Variants in ZDHHC13 observed in about 807,000 individuals in gnomAD.
The protein encoded by ZDHHC13 is zDHHC palmitoyltransferase 13, also known as palmitoyltransferase ZDHHC13.
ZDHHC13 carries 85 observed loss-of-function variants against 86.0 expected under a neutral mutation model. The observed-to-expected ratio is 0.99, with a 90% CI of 0.83 to 1.18. ZDHHC13 has a LOEUF of 1.18. ZDHHC13 is among the 50% of genes most tolerant of loss of function. The pLI is 0.00. For synonymous variants in ZDHHC13, 263 were observed against 246.4 expected, an observed-to-expected ratio of 1.07 and a Z score of -0.63; for missense variants, 711 against 730.2, an observed-to-expected ratio of 0.97 and a Z score of 0.30.
intron 13 of ZDHHC13, among the ~76,000 whole-genome samples, chr11:19,165,565 G>T (rs569127257): frequency 1.3e-5 from 2 of 152,124 alleles, no homozygotes; most frequent in East Asian, 3.8e-4. Context: ...GCATTGAAAT[G>T]CTCCCATCTC....
chr11:19,175,918 G>C lies in ZDHHC13; in HGVS notation c.1827G>C (p.Met609Ile). 1 of 1,612,178 alleles carries C rather than the reference G, an allele frequency of 6.2e-7. No homozygotes were observed. The highest frequency in any genetic ancestry group is 8.5e-7 in the Non-Finnish European group (1 of 1,179,264). The change falls in exon 17 of 17, where the codon ATG becomes ATC. Residue 609 changes from methionine to isoleucine, a missense_variant. Physicochemically the swap from Met to Ile is conservative, Grantham distance 10 (BLOSUM62 1). Transcript: ENST00000446113. ...TAGATTGGACATCACAGTACACCAT[G>C]GTCTTTCACCCAGCCAGGGAGAAGG... ...CVVDWTSQYT[M>I]VFHPAREKVL...
chr11:19,176,079 TA>T lies in ZDHHC13; in HGVS notation c.*122del, dbSNP rs147555558. On this transcript the variant is annotated 3_prime_UTR_variant, in exon 17 of 17. Transcript: ENST00000446113. Reference sequence around the variant, plus strand: ...AGTCCAAAGGAAAACACGTGGTTTTTAAAGCCATTAGGTAAAAAAAGTTCTC... The same window carrying T: ...AGTCCAAAGGAAAACACGTGGTTTTTAAGCCATTAGGTAAAAAAAGTTCTC... 35,559 of 1,188,776 alleles carry T rather than the reference TA, an allele frequency of 0.03. 742 individuals are homozygous for T. The highest frequency in any genetic ancestry group is 0.093 in the South Asian group (3,945 of 42,506). 73.6% of individuals were successfully genotyped at this position (1,188,776 alleles called of 1,614,324 possible).
chr11:19,172,871 C>A lies in ZDHHC13; in HGVS notation c.1730+51C>A. The A allele has an allele frequency of 2.0e-6, 3 of 1,504,946 alleles. No individual in the cohort carries two copies. In the Middle Eastern group the frequency reaches 5.2e-4, roughly 260 times the overall value. 93.2% of individuals were successfully genotyped at this position (1,504,946 alleles called of 1,614,324 possible). ...GAGTCCTGTGGAAGATCCCTAGTCA[C>A]TGGTTTCCTAAGCTGGTGCCACTAC... On this transcript the variant is annotated intron_variant, in intron 16 of 16. Transcript: ENST00000446113.
intron 1 of ZDHHC13, among the ~76,000 whole-genome samples, chr11:19,138,468 G>A (rs1225733919): frequency 1.3e-5 from 2 of 150,670 alleles, no homozygotes; most frequent in African/African-American, 2.5e-5. Context: ...ATTCACAGCC[G>A]AATTCTACCA....
chr11:19,172,610 T>C (rs1850253468), intron 15 of ZDHHC13, 113 bp from the exon 16 acceptor site: 2 of 732,940 alleles, frequency 2.7e-6, no homozygotes, highest in Non-Finnish European at 4.1e-6. Context: ...TTCAAGGAGA[T>C]ACTAAGGAGA....
At chr11:19,146,141 T>A (rs1328141631) in intron 2 of ZDHHC13, 40 bp from the exon 3 acceptor site, 1 of 1,523,330 alleles carries the variant, frequency 6.6e-7, no homozygotes, top group Admixed American at 2.3e-5. Flanking sequence ...TTGAAATGAT[T>A]TTAATTGTAT....
chr11:19,158,490 T>C (rs1456366393), intron 9 of ZDHHC13, among the ~76,000 whole-genome samples: 1 of 152,154 alleles, frequency 6.6e-6, no homozygotes, highest in Non-Finnish European at 1.5e-5. Flanking sequence ...TGTGCATCAG[T>C]ATGCTTAACA....
intron 6 of ZDHHC13, among the ~76,000 whole-genome samples, chr11:19,151,191 G>C (rs1849598160): frequency 6.6e-6 from 1 of 152,008 alleles, no homozygotes. Context: ...TAAATTTTGA[G>C]ATTCTCTGAC....
chr11:19,135,971 G>GA (rs1440855496), intron 1 of ZDHHC13, among the ~76,000 whole-genome samples: 3 of 152,270 alleles, frequency 2.0e-5, no homozygotes, highest in Middle Eastern at 3.4e-3. Flanking sequence ...CAAAGATGGG[G>GA]AAAAAACAGA....
chr11:19,139,490 C>A (rs1391191746), intron 1 of ZDHHC13, among the ~76,000 whole-genome samples: 1 of 114,714 alleles, frequency 8.7e-6, no homozygotes, highest in Non-Finnish European at 2.0e-5. Flanking sequence ...CCCTAATGCC[C>A]AAGGTAATTT....
chr11:19,127,576 GT>G (rs1348125244), intron 1 of ZDHHC13, among the ~76,000 whole-genome samples: 1 of 152,008 alleles, frequency 6.6e-6, no homozygotes, highest in African/African-American at 2.4e-5. Context: ...GGTTTTTATA[GT>G]TTTGGATTTT....
Position 19,152,962 on chromosome 11 carries a change from A to C in ZDHHC13, c.873+278A>C, listed in dbSNP as rs141140531. ...TTATTTAATGAATGTATTGAAATGC[A>C]AAAGGTTTTGATTTTTAGAGACACA... On this transcript the variant is annotated intron_variant, in intron 8 of 16. Transcript: ENST00000446113. 2.9e-3 allele frequency among the ~76,000 whole-genome samples: 445 copies of C among 152,318 alleles called. 1 individual carries two copies. The highest frequency in any genetic ancestry group is 0.01 in the African/African-American group (431 of 41,574).
chr11:19,153,021 A>G (rs937829151), intron 8 of ZDHHC13, among the ~76,000 whole-genome samples: 10 of 152,194 alleles, frequency 6.6e-5, no homozygotes, highest in African/African-American at 2.2e-4. Flanking sequence ...GGAGTTTTAT[A>G]GAAGCTTGTA....
In ZDHHC13 at chr11:19,169,007, A is replaced by T. The variant is rs934120453; in HGVS notation, c.1475-1404A>T. On this transcript the variant is annotated intron_variant, in intron 14 of 16. Transcript: ENST00000446113. ...CATTAGCCACTGGCCAGCTGATAAG[A>T]ATGTATTAGCACAAATTAAAGTGTT... 6 of 985,356 alleles carry T rather than the reference A, an allele frequency of 6.1e-6. No homozygotes were observed. The African/African-American group carries it at 1.0e-4, about 17-fold the overall frequency. 61.0% of individuals were successfully genotyped at this position (985,356 alleles called of 1,614,324 possible).
rs777669512 is a variant in ZDHHC13, at chr11:19,163,354, T to C, written c.1160T>C (p.Phe387Ser). 3.1e-6 allele frequency: 5 copies of C among 1,607,106 alleles called. No homozygotes were observed. In the South Asian group the frequency reaches 5.6e-5, roughly 18 times the overall value. The change falls in exon 11 of 17, where the codon TTT becomes TCT. Residue 387 changes from phenylalanine (F) to serine (S), a missense_variant. Coordinates refer to ENST00000446113, the MANE Select transcript of ZDHHC13 (RefSeq NM_019028.3). Reference sequence around the variant, plus strand: ...AGTTTCATTTTCAGCATAGTAGCCTTTCTATACTTTTTCTATAAGACTTGG... The same window carrying C: ...AGTTTCATTTTCAGCATAGTAGCCTCTCTATACTTTTTCTATAAGACTTGG... ...YFSFIFSIVA[F>S]LYFFYKTWAT... is the part of the protein sequence containing the mutation.
At chr11:19,133,368 T>TATATATATATATATATATAC (rs1262333450) in intron 1 of ZDHHC13, among the ~76,000 whole-genome samples, 22 of 137,720 alleles carry the variant, frequency 1.6e-4, no homozygotes, top group Middle Eastern at 3.3e-3. Context: ...TATATATATA[T>TATATATATATATATATATAC]ACCCACACAC....
chr11:19,136,599 C>G (rs1347594474), intron 1 of ZDHHC13, among the ~76,000 whole-genome samples: 1 of 151,958 alleles, frequency 6.6e-6, no homozygotes, highest in Non-Finnish European at 1.5e-5. Context: ...AGAAGAGCAA[C>G]TCCAAGACAC....
intron 1 of ZDHHC13, among the ~76,000 whole-genome samples, chr11:19,135,731 C>T (rs531958348): frequency 1.8e-4 from 28 of 152,368 alleles, no homozygotes; most frequent in Admixed American, 9.8e-4. Flanking sequence ...GATCTGAGAA[C>T]GGGCAGACTG....
At chr11:19,175,176 C>T (rs1346580444) in intron 16 of ZDHHC13, among the ~76,000 whole-genome samples, 1 of 151,690 alleles carries the variant, frequency 6.6e-6, no homozygotes, top group Non-Finnish European at 1.5e-5. Flanking sequence ...ATCACGAGGT[C>T]AGGAGATTGA....
Sources: allele counts gnomAD v4.1 joint callset (sites outside exome capture counted in the v4.1 genomes callset), GRCh38; gene constraint gnomAD v4.1.1; transcripts MANE v1.5; gene names NCBI Gene and HGNC (gene_info 2026-07-23, HGNC 2026-07-21).